Variants in CCDC50 observed in about 807,000 individuals in gnomAD.
CCDC50 encodes coiled-coil domain-containing protein 50.
In CCDC50, 54 loss-of-function variants were observed where a neutral mutation model predicts 70.2. The observed-to-expected ratio is 0.77, with a 90% confidence interval of 0.62 to 0.96. CCDC50 has a LOEUF of 0.96. CCDC50 is among the 50% of genes least tolerant of loss of function. The probability of loss-of-function intolerance (pLI) is 0.00; values close to 1 mark genes in which losing one functional copy is unlikely to be tolerated. For synonymous variants in CCDC50, 216 were observed against 198.8 expected (o/e 1.09, Z -0.73); for missense variants, 558 against 578.7 (o/e 0.96, Z 0.37).
At chr3:191,347,711 CT>C (rs1444888211) in intron 1 of CCDC50, among the ~76,000 whole-genome samples, 1 of 141,830 alleles carries the variant, frequency 7.1e-6, no homozygotes, top group African/African-American at 2.5e-5. Flanking sequence ...GCAACATATC[CT>C]TTCATTATAA....
intron 4 of CCDC50, among the ~76,000 whole-genome samples, chr3:191,367,118 G>A (rs748101890): frequency 6.6e-6 from 1 of 152,084 alleles, no homozygotes; most frequent in East Asian, 1.9e-4. Flanking sequence ...TCAAAAAAGA[G>A]CTGAGAGCTT....
At chr3:191,363,536 G>A (rs935034256) in intron 4 of CCDC50, among the ~76,000 whole-genome samples, 4 of 152,216 alleles carry the variant, frequency 2.6e-5, no homozygotes, top group African/African-American at 9.6e-5. Context: ...GGTACTTGGG[G>A]CACCTGGTAC....
At chr3:191,334,206 CATG>C (rs1718072368) in intron 1 of CCDC50, among the ~76,000 whole-genome samples, 1 of 152,056 alleles carries the variant, frequency 6.6e-6, no homozygotes. Context: ...GGTACATGAA[CATG>C]ATCTTTGCTG....
At position 191,393,999 on chromosome 3, in the gene CCDC50, C is replaced by G. The variant is rs181365331; in HGVS notation, c.*2239C>G. On this transcript the variant is annotated 3_prime_UTR_variant, in exon 12 of 12. Transcript: ENST00000392455. ...CTTTAAAAATTCTGCATTTCTCTTG[C>G]CTCTCATGTACTTCATCCAGTTATT... 1.3e-5 allele frequency: 2 copies of G among 151,988 alleles called. No homozygotes were observed. The highest frequency in any genetic ancestry group is 4.8e-5 in the African/African-American group (2 of 41,378). 9.4% of individuals were successfully genotyped at this position (151,988 alleles called of 1,614,324 possible).
chr3:191,330,161 C>A (rs1411304055), intron 1 of CCDC50, among the ~76,000 whole-genome samples: 1 of 152,152 alleles, frequency 6.6e-6, no homozygotes, highest in Admixed American at 6.5e-5. Flanking sequence ...TGACTCTTTC[C>A]CTCCTTCTCT....
rs1255389866 is a variant in CCDC50, at chr3:191,357,009, A to G, written c.50-79A>G. On this transcript the variant is annotated intron_variant, in intron 1 of 11. Transcript: ENST00000392455. ...ATTAGAATTGATTTTTTTTAAAGTA[A>G]AAAAAAAAAATCCTTTCCTTTGTAT... The G allele has an allele frequency of 1.5e-5, 13 of 855,784 alleles. No individual in the cohort carries two copies. The East Asian group carries it at 3.0e-4, about 20-fold the overall frequency. The allele number at this position is 855,784 out of a possible 1,614,324, so 53.0% of individuals were successfully genotyped here. A position where few individuals can be genotyped will look rare whatever the true frequency, so the allele number is the denominator to read the frequency against.
intron 5 of CCDC50, 186 bp downstream of exon 5, chr3:191,370,222 T>G: frequency 1.8e-6 from 1 of 542,820 alleles, no homozygotes; most frequent in East Asian, 3.4e-5. Flanking sequence ...TTTTGTTTTG[T>G]TTTTATTATA....
intron 1 of CCDC50, among the ~76,000 whole-genome samples, chr3:191,339,768 C>A (rs1711658947): frequency 6.6e-6 from 1 of 152,194 alleles, no homozygotes; most frequent in Non-Finnish European, 1.5e-5. Context: ...AACATGGTCT[C>A]CATTTACTCT....
intron 1 of CCDC50, among the ~76,000 whole-genome samples, chr3:191,350,689 A>G (rs1442777517): frequency 2.8e-5 from 4 of 141,822 alleles, no homozygotes; most frequent in African/African-American, 1.0e-4. Flanking sequence ...GAATCAGAAA[A>G]TTCTGGCTTT....
Position 191,398,202 on chromosome 3 carries a change from A to G in CCDC50, c.*6442A>G, listed in dbSNP as rs757120779. On this transcript the variant is annotated 3_prime_UTR_variant, in exon 12 of 12. Coordinates refer to ENST00000392455, the MANE Select transcript of CCDC50 (RefSeq NM_178335.3). ...CGCAAACCTCCTTTTTTAAATGCCA[A>G]TTGTACATCTACATTAATTCATCTA... 2.0e-5 allele frequency: 3 copies of G among 152,172 alleles called. No individual in the cohort carries two copies. Among genetic ancestry groups the G allele is most frequent in the African/African-American group, 7.2e-5 (3 of 41,436 alleles). 9.4% of individuals were successfully genotyped at this position (152,172 alleles called of 1,614,324 possible).
intron 10 of CCDC50, among the ~76,000 whole-genome samples, chr3:191,383,454 AAG>A (rs1183558810): frequency 1.3e-5 from 2 of 152,064 alleles, no homozygotes; most frequent in African/African-American, 4.8e-5. Context: ...TGCCTTTCGA[AAG>A]AAAACATGAT....
intron 1 of CCDC50, among the ~76,000 whole-genome samples, chr3:191,345,946 G>A (rs1034450522): frequency 6.6e-6 from 1 of 152,144 alleles, no homozygotes; most frequent in African/African-American, 2.4e-5. Flanking sequence ...CCTATTTTAA[G>A]TTGCCACGTG....
chr3:191,357,272 C>T, intron 2 of CCDC50, 122 bp downstream of exon 2: 1 of 782,316 alleles, frequency 1.3e-6, no homozygotes, highest in Non-Finnish European at 2.2e-6. Flanking sequence ...TCCATACATC[C>T]TGAAGGATTT....
At chr3:191,357,367 G>A (rs1002300950) in intron 2 of CCDC50, among the ~76,000 whole-genome samples, 1 of 152,126 alleles carries the variant, frequency 6.6e-6, no homozygotes, top group East Asian at 1.9e-4. Context: ...AGACTGCTGC[G>A]TCTGTAGGAG....
chr3:191,359,436 A>G (rs1576959348), intron 3 of CCDC50, among the ~76,000 whole-genome samples: 1 of 152,228 alleles, frequency 6.6e-6, no homozygotes, highest in East Asian at 1.9e-4. Flanking sequence ...AAGGGTCACG[A>G]TAAGTTATGT....
rs1008117683 is a variant in CCDC50, at chr3:191,389,621, G to A, written c.1429+19G>A. ...CATAAAGGTAAGAAGAGTATGTATG[G>A]TCAAGTTTAGGATCTTCTTTTTTTA... On this transcript the variant is annotated intron_variant, in intron 11 of 11. Coordinates refer to ENST00000392455, the MANE Select transcript of CCDC50 (RefSeq NM_178335.3). 7.0e-6 allele frequency: 11 copies of A among 1,561,890 alleles called. No homozygotes were observed. Among genetic ancestry groups the A allele is most frequent in the Non-Finnish European group, 9.7e-6 (11 of 1,132,374 alleles).
rs374609869 is a variant in CCDC50, at chr3:191,350,732, C to A, written c.50-6356C>A. Among the ~76,000 whole-genome samples, 3 of 142,058 alleles carry A rather than the reference C, an allele frequency of 2.1e-5. 1 individual carries two copies. Among genetic ancestry groups the A allele is most frequent in the South Asian group, 4.4e-4 (2 of 4,554 alleles). 93.2% of individuals were successfully genotyped at this position (142,058 alleles called of 152,430 possible). A position where few individuals can be genotyped will look rare whatever the true frequency, so the allele number is the denominator to read the frequency against. On this transcript the variant is annotated intron_variant, in intron 1 of 11. Coordinates refer to ENST00000392455, the MANE Select transcript of CCDC50 (RefSeq NM_178335.3). ...ATGGGGTGATAGATAGGTACTCATT[C>A]TGCATACTTGACTGAGGTGAAAGAA...
Position 191,393,027 on chromosome 3 carries a change from C to G in CCDC50, c.*1267C>G, listed in dbSNP as rs1168543963. ...TGCTGGGATTACAGGCTTAAGCCAC[C>G]ATGTCCAGCCAGCCAAGTATTTGGT... is the stretch of plus-strand genomic sequence containing the variant. On this transcript the variant is annotated 3_prime_UTR_variant, in exon 12 of 12. Transcript: ENST00000392455. 1 of 152,350 alleles carries G rather than the reference C, an allele frequency of 6.6e-6. No individual in the cohort carries two copies. The highest frequency in any genetic ancestry group is 1.5e-5 in the Non-Finnish European group (1 of 68,150). The allele number at this position is 152,350 out of a possible 1,614,324, so 9.4% of individuals were successfully genotyped here.
At chr3:191,332,782 C>T (rs1433011771) in intron 1 of CCDC50, among the ~76,000 whole-genome samples, 2 of 152,186 alleles carry the variant, frequency 1.3e-5, no homozygotes, top group Non-Finnish European at 2.9e-5. Flanking sequence ...AATCAAGACT[C>T]CCTACTTCCT....
Sources: gnomAD v4.1 joint callset for allele counts (sites outside exome capture counted in the v4.1 genomes callset) on GRCh38, gnomAD v4.1.1 for gene constraint, MANE v1.5 for transcripts, NCBI Gene and HGNC (gene_info 2026-07-23, HGNC 2026-07-21) for gene names.